Variants in BUD13 observed in about 807,000 individuals in gnomAD.
The protein encoded by BUD13 is BUD13 spliceosome associated protein, also known as BUD13 homolog.
Under a neutral mutation model 62.5 loss-of-function variants are expected in BUD13, and 47 were observed. That is an observed-to-expected ratio of 0.75 (90% CI 0.60 to 0.96). BUD13 has a LOEUF of 0.96. BUD13 is among the 40% of genes least tolerant of loss of function. The pLI is 0.00. For synonymous variants in BUD13, 293 were observed against 280.1 expected (o/e 1.05, Z -0.46); for missense variants, 821 against 790.9 (o/e 1.04, Z -0.46).
chr11:116,763,227 T>C lies in BUD13; in HGVS notation c.362A>G (p.His121Arg), dbSNP rs756330295. 2 of 1,551,316 alleles carry C rather than the reference T, an allele frequency of 1.3e-6. No homozygotes were observed. The highest frequency in any genetic ancestry group is 1.7e-6 in the Non-Finnish European group (2 of 1,149,632). ...EDLPSNRHFR[H>R]DTPDSSPRRV... ...CCTAGGAGATGAATCCGGGGTATCG[T>C]GACGAAAATGTCTGTTTGAGGGTAG... The change falls in exon 4 of 10, where the codon CAC becomes CGC. Residue 121 changes from histidine (H) to arginine (R), a missense_variant. Around this residue, in one of 2 missense-constraint regions of BUD13, gnomAD observed 800 missense variants for 739.2 expected, o/e 1.08. Coordinates refer to ENST00000260210, the MANE Select transcript of BUD13 (RefSeq NM_032725.4).
rs1022643014 is a variant in BUD13 at position 116,748,291 on chromosome 11, C to T, written c.*191G>A. 1.9e-6 allele frequency: 1 copy of T among 522,252 alleles called. No individual in the cohort carries two copies. Among genetic ancestry groups the T allele is most frequent in the Admixed American group, 3.7e-5 (1 of 26,964 alleles). The allele number at this position is 522,252 out of a possible 1,614,324, so 32.4% of individuals were successfully genotyped here. On this transcript the variant is annotated 3_prime_UTR_variant, in exon 10 of 10. Transcript: ENST00000260210. ...GAAAGCCAGCAACAGCCGGTGCTGT[C>T]ACACCCAAGAAGTACAGGTACCTCA...
At position 116,762,782 on chromosome 11, in the gene BUD13, A is replaced by G. The variant is rs1792745063; in HGVS notation, c.807T>C (p.His269=). The G allele has an allele frequency of 6.2e-7, 1 of 1,614,190 alleles. No individual in the cohort carries two copies. The highest frequency in any genetic ancestry group is 8.5e-7 in the Non-Finnish European group (1 of 1,180,022). ...CATTAGGAGCCAAATCAGGGGAGTC[A>G]TGACGGGCCCTTCTGAGTTGCTGTG... ...SDTQQLRRAR[H]DSPDLAPNVT... is the part of the protein sequence containing the mutation. Residue 269 remains histidine, a synonymous_variant, in exon 4 of 10, where the codon CAT becomes CAC. Coordinates refer to ENST00000260210, the MANE Select transcript of BUD13 (RefSeq NM_032725.4).
rs1329412088 is a variant in BUD13 at position 116,748,640 on chromosome 11, G to A, written c.1767-65C>T. 3.4e-6 allele frequency: 5 copies of A among 1,462,920 alleles called. No individual in the cohort carries two copies. The East Asian group carries it at 9.1e-5, about 27-fold the overall frequency. The allele number at this position is 1,462,920 out of a possible 1,614,324, so 90.6% of individuals were successfully genotyped here. A position where few individuals can be genotyped will look rare whatever the true frequency, so the allele number is the denominator to read the frequency against. Reference sequence around the variant, plus strand: ...AAAGGGGCATTTGTTTCAAAAGAAAGGGAAGAGTTCACAATATAATGAAAA... The same window carrying A: ...AAAGGGGCATTTGTTTCAAAAGAAAAGGAAGAGTTCACAATATAATGAAAA... On this transcript the variant is annotated intron_variant, in intron 9 of 9. Transcript: ENST00000260210.
At chr11:116,771,328 G>GT (rs1052824508) in intron 1 of BUD13, among the ~76,000 whole-genome samples, 6 of 152,140 alleles carry the variant, frequency 3.9e-5, no homozygotes, top group East Asian at 1.9e-4. Flanking sequence ...CAGGGACTAT[G>GT]TTTTTTTTGT....
At chr11:116,761,135 T>A (rs1940424795) in intron 4 of BUD13, among the ~76,000 whole-genome samples, 183 bp from the exon 5 acceptor site, 1 of 151,978 alleles carries the variant, frequency 6.6e-6, no homozygotes, top group African/African-American at 2.4e-5. Flanking sequence ...CACTGCAACC[T>A]CCGCCTCCTG....
At position 116,758,355 on chromosome 11, in the gene BUD13, C is replaced by T. The variant is rs1388399362; in HGVS notation, c.1413G>A (p.Arg471=). The part of the protein sequence containing the change: ...TVFRDKSGRK[R]NLKLERLEQR... ...GCTCTAAACGTTCGAGTTTCAAATT[C>T]CTCTTACGACCAGACTTATCTCGAA... The change falls in exon 7 of 10, where the codon AGG becomes AGA. Residue 471 remains arginine, a synonymous_variant. Coordinates refer to ENST00000260210, the MANE Select transcript of BUD13 (RefSeq NM_032725.4). 1.2e-6 allele frequency: 2 copies of T among 1,614,132 alleles called. No homozygotes were observed. Among genetic ancestry groups the T allele is most frequent in the South Asian group, 1.1e-5 (1 of 91,076 alleles).
intron 4 of BUD13, among the ~76,000 whole-genome samples, chr11:116,761,183 C>G (rs994533376): frequency 1.3e-5 from 2 of 151,970 alleles, no homozygotes; most frequent in African/African-American, 4.8e-5. Flanking sequence ...TCCCAAGTAG[C>G]TGGAATTACA....
In BUD13 at chr11:116,762,686, A is replaced by G. The variant is rs1455243621; in HGVS notation, c.903T>C (p.His301=). The change falls in exon 4 of 10, where the codon CAT becomes CAC. Residue 301 remains histidine (H), a synonymous_variant. Coordinates refer to ENST00000260210, the MANE Select transcript of BUD13 (RefSeq NM_032725.4). ...PERASSKTSP[H]WKESGASHLS... ...AATGGGAGGCTCCTGACTCCTTCCA[A>G]TGTGGAGAAGTCTTGCTAGAGGCTC... 1.9e-6 allele frequency: 3 copies of G among 1,614,158 alleles called. No individual in the cohort carries two copies. Among genetic ancestry groups the G allele is most frequent in the Non-Finnish European group, 2.5e-6 (3 of 1,180,024 alleles).
intron 2 of BUD13, among the ~76,000 whole-genome samples, chr11:116,769,647 T>C (rs1940587624): frequency 1.3e-5 from 2 of 152,188 alleles, no homozygotes; most frequent in Non-Finnish European, 2.9e-5. Context: ...GACAAGTTGG[T>C]GTATAGGCAT....
chr11:116,748,626 T>G, intron 9 of BUD13, 51 bp from the exon 10 acceptor site: 1 of 1,541,878 alleles, frequency 6.5e-7, no homozygotes, highest in Non-Finnish European at 9.0e-7. Flanking sequence ...AAGGGGCATT[T>G]GTTTCAAAAG....
rs574352329 is a variant in BUD13 at position 116,755,810 on chromosome 11, G to T, written c.1766+1336C>A. Among the ~76,000 whole-genome samples the T allele has an allele frequency of 5.1e-4, 77 of 150,046 alleles. 1 individual carries two copies. The highest frequency in any genetic ancestry group is 1.7e-3 in the East Asian group (9 of 5,152). ...TAACATAATTAGTTTATTTTTTTTT[G>T]AATGAATAAATACTTTTTAAATGTC... On this transcript the variant is annotated intron_variant, in intron 9 of 9. Transcript: ENST00000260210.
At chr11:116,755,799 TA>T (rs1323089408) in intron 9 of BUD13, among the ~76,000 whole-genome samples, 5 of 152,310 alleles carry the variant, frequency 3.3e-5, no homozygotes, top group South Asian at 2.1e-4. Flanking sequence ...ATAATTAGTT[TA>T]TTTTTTTTTG....
At chr11:116,758,717 A>G (rs1940376955) in intron 6 of BUD13, among the ~76,000 whole-genome samples, 1 of 149,762 alleles carries the variant, frequency 6.7e-6, no homozygotes, top group South Asian at 2.1e-4. Context: ...CCTCCTGAGT[A>G]GCTGGGATTA....
At chr11:116,767,282 G>T (rs1940547608) in intron 2 of BUD13, among the ~76,000 whole-genome samples, 1 of 150,614 alleles carries the variant, frequency 6.6e-6, no homozygotes, top group Non-Finnish European at 1.5e-5. Context: ...TATAAAAAAT[G>T]ATTCATTTCA....
At position 116,748,957 on chromosome 11, in the gene BUD13, C is replaced by T. The variant is rs562558704; in HGVS notation, c.1767-382G>A. The stretch of plus-strand genomic sequence containing the variant: ...CGGAGATCGTGCCACTGCACTCCAG[C>T]CTGGGTGACAGAGACTCTGTCTCAA... On this transcript the variant is annotated intron_variant, in intron 9 of 9. Coordinates refer to ENST00000260210, the MANE Select transcript of BUD13 (RefSeq NM_032725.4). Among the ~76,000 whole-genome samples the T allele has an allele frequency of 2.9e-5, 4 of 137,950 alleles. No individual in the cohort carries two copies. In the East Asian group the frequency reaches 6.1e-4, roughly 21 times the overall value. The allele number at this position is 137,950 out of a possible 152,430, so 90.5% of individuals were successfully genotyped here.
chr11:116,759,902 T>C (rs1234123180), intron 5 of BUD13, among the ~76,000 whole-genome samples: 8 of 152,194 alleles, frequency 5.3e-5, no homozygotes, highest in Non-Finnish European at 1.2e-4. Flanking sequence ...ACCTGATAAG[T>C]CTGCACTGGG....
chr11:116,764,002 A>G (rs2134181184), intron 3 of BUD13, among the ~76,000 whole-genome samples: 1 of 152,354 alleles, frequency 6.6e-6, no homozygotes, highest in Admixed American at 6.5e-5. Context: ...GGAAGTTGAT[A>G]CTCAGAAAGA....
At chr11:116,755,341 A>G (rs1940304554) in intron 9 of BUD13, among the ~76,000 whole-genome samples, 1 of 152,254 alleles carries the variant, frequency 6.6e-6, no homozygotes, top group Non-Finnish European at 1.5e-5. Context: ...CTGATATTGT[A>G]TAGTGGAAAT....
intron 8 of BUD13, 39 bp from the exon 9 acceptor site, chr11:116,757,266 CAT>C: frequency 6.4e-7 from 1 of 1,558,548 alleles, no homozygotes; most frequent in Non-Finnish European, 8.8e-7. Context: ...CAGTTAATGA[CAT>C]AGTTTAATTC....
Sources: allele counts gnomAD v4.1 joint callset (sites outside exome capture counted in the v4.1 genomes callset), GRCh38; gene constraint gnomAD v4.1.1; regional missense constraint gnomAD v4.1.1; transcripts MANE v1.5; gene names NCBI Gene and HGNC (gene_info 2026-07-23, HGNC 2026-07-21).